The following USP48 variants were observed in gnomAD, a reference collection of about 807,000 sequenced individuals.
The protein encoded by USP48 is ubiquitin carboxyl-terminal hydrolase 48.
Under a neutral mutation model 150.7 loss-of-function variants are expected in USP48, and 43 were observed. That is an observed-to-expected ratio of 0.29 (90% CI 0.22 to 0.37). The LOEUF (loss-of-function observed/expected upper bound fraction) is 0.37. Among genes scored for constraint, USP48 ranks in the 10% least tolerant of loss-of-function variants. USP48 has a pLI of 1.00. For synonymous variants in USP48, 396 were observed against 425.9 expected, an observed-to-expected ratio of 0.93 and a Z score of 0.86; for missense variants, 813 against 1,249.6, an observed-to-expected ratio of 0.65 and a Z score of 5.27.
At chr1:21,764,211 G>A (rs1389342940) in intron 1 of USP48, among the ~76,000 whole-genome samples, 2 of 152,108 alleles carry the variant, frequency 1.3e-5, no homozygotes, top group African/African-American at 2.4e-5. Flanking sequence ...GCTGAGGCAG[G>A]CAGATCACTT....
At chr1:21,744,600 A>AC (rs2097789810) in intron 8 of USP48, among the ~76,000 whole-genome samples, 1 of 151,300 alleles carries the variant, frequency 6.6e-6, no homozygotes, top group African/African-American at 2.4e-5. Flanking sequence ...ACACAGTGAA[A>AC]CCCCGTCTCT....
intron 1 of USP48, among the ~76,000 whole-genome samples, chr1:21,777,880 C>A (rs1042261295): frequency 3.3e-5 from 5 of 150,900 alleles, no homozygotes; most frequent in African/African-American, 1.2e-4. Flanking sequence ...GTAATCCTAG[C>A]ACTTTGGGAG....
intron 15 of USP48, among the ~76,000 whole-genome samples, chr1:21,711,722 C>T (rs559345556): frequency 6.6e-6 from 1 of 152,302 alleles, no homozygotes; most frequent in South Asian, 2.1e-4. Flanking sequence ...CACCAAGCCC[C>T]TCCAAAACAC....
At chr1:21,729,056 G>A (rs185397536) in intron 10 of USP48, among the ~76,000 whole-genome samples, 51 of 152,232 alleles carry the variant, frequency 3.4e-4, no homozygotes, top group Admixed American at 2.6e-3. Flanking sequence ...AGGCTGAGGC[G>A]GGTGGATCGT....
chr1:21,711,153 G>T (rs2097689137), intron 15 of USP48, among the ~76,000 whole-genome samples: 1 of 151,996 alleles, frequency 6.6e-6, no homozygotes, highest in East Asian at 1.9e-4. Context: ...CAACAACAGG[G>T]ATAAAAATTA....
At chr1:21,752,421 T>C (rs1057263462) in intron 5 of USP48, 106 bp downstream of exon 5, 5 of 1,363,154 alleles carry the variant, frequency 3.7e-6, no homozygotes, top group Non-Finnish European at 5.0e-6. Context: ...TCAGGTCCCA[T>C]GATAAACCAC....
intron 22 of USP48, among the ~76,000 whole-genome samples, chr1:21,699,049 GCA>G: frequency 6.6e-6 from 1 of 152,082 alleles, no homozygotes; most frequent in Non-Finnish European, 1.5e-5. Context: ...GCATGTACAT[GCA>G]CAGAGTCTTG....
chr1:21,760,920 C>T (rs59368602), intron 1 of USP48, among the ~76,000 whole-genome samples: 17,351 of 151,824 alleles, frequency 0.11, 1,185 homozygotes, highest in African/African-American at 0.18. Context: ...ATGGAGAAAC[C>T]CTGTCTCTAC....
chr1:21,705,664 AT>A, intron 19 of USP48, 62 bp downstream of exon 19: 1 of 1,229,794 alleles, frequency 8.1e-7, no homozygotes, highest in African/African-American at 1.6e-5. Context: ...TCCTAAACAT[AT>A]TTTATTAATC....
chr1:21,704,701 AT>A (rs1279398671), intron 19 of USP48: 1 of 208,936 alleles, frequency 4.8e-6, no homozygotes, highest in Non-Finnish European at 9.5e-6. Flanking sequence ...AGTTTTAAAT[AT>A]GCAAGACATT....
intron 1 of USP48, among the ~76,000 whole-genome samples, chr1:21,777,015 T>C (rs1303380581): frequency 1.3e-5 from 2 of 151,216 alleles, no homozygotes; most frequent in African/African-American, 4.9e-5. Flanking sequence ...CTCAGGAGGC[T>C]GAGGCAGGAG....
At chr1:21,716,488 T>C (rs1028721173) in intron 14 of USP48, among the ~76,000 whole-genome samples, 2 of 152,184 alleles carry the variant, frequency 1.3e-5, no homozygotes, top group Non-Finnish European at 2.9e-5. Flanking sequence ...AACTTATGAA[T>C]TGTTTACTTC....
At chr1:21,754,930 T>C (rs1001391315) in intron 3 of USP48, among the ~76,000 whole-genome samples, 2 of 152,100 alleles carry the variant, frequency 1.3e-5, no homozygotes, top group Non-Finnish European at 2.9e-5. Context: ...TCCAAAGAGG[T>C]CTGGATCTCA....
intron 15 of USP48, among the ~76,000 whole-genome samples, chr1:21,708,144 CAG>C (rs1054592733): frequency 1.3e-5 from 2 of 151,730 alleles, no homozygotes; most frequent in Admixed American, 1.3e-4. Context: ...GCCTGGGCAA[CAG>C]AGAGAGACGC....
At chr1:21,757,188 G>A (rs2097838628) in intron 2 of USP48, among the ~76,000 whole-genome samples, 1 of 151,984 alleles carries the variant, frequency 6.6e-6, no homozygotes, top group African/African-American at 2.4e-5. Context: ...ACCTTACAAA[G>A]AATTATTATT....
At chr1:21,698,756 G>A (rs1022974930) in intron 22 of USP48, among the ~76,000 whole-genome samples, 4 of 152,120 alleles carry the variant, frequency 2.6e-5, no homozygotes, top group South Asian at 2.1e-4. Context: ...TTAGCTGGGC[G>A]TGGTGGCGGG....
At chr1:21,708,126 G>A (rs1260726465) in intron 15 of USP48, among the ~76,000 whole-genome samples, 1 of 151,846 alleles carries the variant, frequency 6.6e-6, no homozygotes, top group Admixed American at 6.6e-5. Context: ...AACCACCATT[G>A]CACTCTGGCC....
chr1:21,706,092 A>G (rs751020999), intron 18 of USP48, 34 bp downstream of exon 18: 2 of 1,601,336 alleles, frequency 1.2e-6, no homozygotes, highest in Non-Finnish European at 8.5e-7. Flanking sequence ...CAAATCAGTA[A>G]CAATAAAGGA....
Position 21,757,668 on chromosome 1 carries a change from T to C in USP48, c.250A>G (p.Lys84Glu), listed in dbSNP as rs1326384905. Residue 84 changes from lysine to glutamate, a missense_variant, in exon 2 of 27, where the codon AAA becomes GAA. Physicochemically the swap from Lys to Glu is moderately conservative, Grantham distance 56 (BLOSUM62 1). Transcript: ENST00000308271. ...CTTAAAAAATGATGGTTTACCTTTT[T>C]TCTCCTCTCACAGTTGGGATCATCG... ...NIDDPNCERR[K>E]KNSFVGLTNL... 6.2e-7 allele frequency: 1 copy of C among 1,605,832 alleles called. No individual in the cohort carries two copies.
Sources: allele counts gnomAD v4.1 joint callset (sites outside exome capture counted in the v4.1 genomes callset), GRCh38; gene constraint gnomAD v4.1.1; transcripts MANE v1.5; gene names NCBI Gene and HGNC (gene_info 2026-07-23, HGNC 2026-07-21).